Variants in TCP11L2 observed in about 807,000 individuals in gnomAD.
The protein encoded by TCP11L2 is t-complex 11 like 2, also known as T-complex protein 11-like protein 2.
In TCP11L2, 39 loss-of-function variants were observed where a neutral mutation model predicts 50.7. That is an observed-to-expected ratio of 0.77 (90% CI 0.60 to 1.01). The LOEUF (loss-of-function observed/expected upper bound fraction) is 1.01, where lower values mean the gene tolerates loss of function less well. TCP11L2 is among the 50% of genes least tolerant of loss of function. The probability of loss-of-function intolerance (pLI) is 0.00; values close to 1 mark genes in which losing one functional copy is unlikely to be tolerated. For missense variants in TCP11L2, 612 were observed against 614.7 expected, an observed-to-expected ratio of 1.00 and a Z score of 0.05; for synonymous variants, 192 against 219.3, an observed-to-expected ratio of 0.88 and a Z score of 1.10.
At chr12:106,314,585 G>A in intron 3 of TCP11L2, 92 bp downstream of exon 3, 1 of 657,266 alleles carries the variant, frequency 1.5e-6, no homozygotes, top group Non-Finnish European at 2.2e-6. Context: ...GTGAGAGAGA[G>A]AGAGAGAGAG....
intron 6 of TCP11L2, among the ~76,000 whole-genome samples, chr12:106,334,709 A>G (rs58767490): frequency 0.36 from 54,443 of 151,980 alleles, 10,267 homozygotes; most frequent in African/African-American, 0.45. Flanking sequence ...TTTGGGGGCC[A>G]AGGTGGGTGG....
At chr12:106,309,535 T>A (rs1032299747) in intron 1 of TCP11L2, among the ~76,000 whole-genome samples, 1 of 151,918 alleles carries the variant, frequency 6.6e-6, no homozygotes, top group East Asian at 1.9e-4. Context: ...TTCACCCTTA[T>A]TAGATCCCTC....
At chr12:106,314,515 T>C (rs1356545191) in intron 3 of TCP11L2, 22 bp downstream of exon 3, 8 of 1,601,410 alleles carry the variant, frequency 5.0e-6, no homozygotes, top group Non-Finnish European at 6.8e-6. Context: ...GCATTTGTTG[T>C]ATATAAACTG....
intron 3 of TCP11L2, among the ~76,000 whole-genome samples, chr12:106,316,785 A>C (rs1474896108): frequency 6.6e-6 from 1 of 152,160 alleles, no homozygotes; most frequent in Non-Finnish European, 1.5e-5. Context: ...CCAGTTCCTA[A>C]AACAGGGCCC....
upstream of TCP11L2, among the ~76,000 whole-genome samples, chr12:106,301,118 G>A (rs1414472641): frequency 6.6e-6 from 1 of 152,178 alleles, no homozygotes; most frequent in African/African-American, 2.4e-5. Flanking sequence ...TGAAATTGGA[G>A]GCTTCTGTCA....
intron 4 of TCP11L2, among the ~76,000 whole-genome samples, chr12:106,320,674 C>T (rs2035303406): frequency 6.6e-6 from 1 of 152,174 alleles, no homozygotes; most frequent in Admixed American, 6.5e-5. Context: ...ATGGTAGGCT[C>T]CTGCCACTTG....
chr12:106,335,635 T>G lies in TCP11L2; in HGVS notation c.773-4T>G. On this transcript the variant is annotated splice_polypyrimidine_tract_variant and splice_region_variant and intron_variant, in intron 6 of 9. Transcript: ENST00000299045. ...GAACAAATATGTGGCCTTTTCACTCTTAGGTGCTCTTGATCAGACTACAGA... is the reference window on the plus strand; with the variant it reads ...GAACAAATATGTGGCCTTTTCACTCGTAGGTGCTCTTGATCAGACTACAGA... 1 of 1,613,744 alleles carries G rather than the reference T, an allele frequency of 6.2e-7. No homozygotes were observed. The highest frequency in any genetic ancestry group is 8.5e-7 in the Non-Finnish European group (1 of 1,179,836).
intron 8 of TCP11L2, among the ~76,000 whole-genome samples, chr12:106,336,735 T>TA (rs906987384): frequency 3.4e-4 from 51 of 152,214 alleles, no homozygotes; most frequent in African/African-American, 1.2e-3. Context: ...GTATTTTTAG[T>TA]AGAGACCGGG....
intron 1 of TCP11L2, among the ~76,000 whole-genome samples, chr12:106,307,040 CCTCT>C (rs2034658664): frequency 1.3e-5 from 2 of 152,226 alleles, no homozygotes; most frequent in Admixed American, 1.3e-4. Context: ...AAACCAATCT[CCTCT>C]CTATCTGTAG....
intron 6 of TCP11L2, among the ~76,000 whole-genome samples, chr12:106,334,736 A>T (rs1216100428): frequency 1.3e-5 from 2 of 152,078 alleles, no homozygotes; most frequent in Admixed American, 6.6e-5. Context: ...AGGTCAGGAG[A>T]TTGAGACCAT....
chr12:106,311,352 A>C (rs1363018220), intron 2 of TCP11L2, 120 bp downstream of exon 2: 1 of 1,161,194 alleles, frequency 8.6e-7, no homozygotes, highest in Non-Finnish European at 1.2e-6. Context: ...GATGCACCAG[A>C]ATAGCACTGC....
At chr12:106,321,883 A>C (rs541077761) in intron 5 of TCP11L2, among the ~76,000 whole-genome samples, 177 bp downstream of exon 5, 1 of 152,238 alleles carries the variant, frequency 6.6e-6, no homozygotes, top group Non-Finnish European at 1.5e-5. Flanking sequence ...GAGTTTTCAC[A>C]TAGAATGATC....
Position 106,311,123 on chromosome 12 carries a change from C to G in TCP11L2, c.48C>G (p.Ser16Arg). The G allele has an allele frequency of 6.2e-7, 1 of 1,614,186 alleles. No individual in the cohort carries two copies. Among genetic ancestry groups the G allele is most frequent in the Non-Finnish European group, 8.5e-7 (1 of 1,180,042 alleles). Residue 16 changes from serine (S) to arginine (R), a missense_variant, in exon 2 of 10, where the codon AGC becomes AGG. Ser to Arg is a moderately radical substitution (Grantham distance 110, BLOSUM62 -1). Coordinates refer to ENST00000299045, the MANE Select transcript of TCP11L2 (RefSeq NM_152772.3). ...AGTGTGTGGGAGAGGACCAGCCAAG[C>G]GATTCTGATTCTTCCCGGTTTTCCG... ...EKQCVGEDQP[S>R]DSDSSRFSES...
chr12:106,312,431 C>T, intron 2 of TCP11L2: 1 of 1,209,944 alleles, frequency 8.3e-7, no homozygotes, highest in South Asian at 1.5e-5. Flanking sequence ...AGCAGCCACC[C>T]CAGGTTTCTG....
chr12:106,330,015 C>G lies in TCP11L2; in HGVS notation c.773-5624C>G, dbSNP rs1409960864. ...ATTTCAGTCTCTCTCTACTCTGCAC[C>G]TGTGTTCAGGCTGTATTTCTTGGCA... On this transcript the variant is annotated intron_variant, in intron 6 of 9. Coordinates refer to ENST00000299045, the MANE Select transcript of TCP11L2 (RefSeq NM_152772.3). The G allele has an allele frequency of 3.0e-6, 3 of 985,290 alleles. No individual in the cohort carries two copies. The South Asian group carries it at 1.4e-4, about 46-fold the overall frequency. The allele number at this position is 985,290 out of a possible 1,614,324, so 61.0% of individuals were successfully genotyped here.
chr12:106,319,209 C>T (rs147590240), intron 4 of TCP11L2, among the ~76,000 whole-genome samples: 3 of 152,322 alleles, frequency 2.0e-5, no homozygotes, highest in African/African-American at 7.2e-5. Context: ...CCGCGCCCAG[C>T]CTAGGGTCTC....
chr12:106,316,944 G>A (rs1038495977), intron 3 of TCP11L2, among the ~76,000 whole-genome samples: 1 of 152,156 alleles, frequency 6.6e-6, no homozygotes, highest in African/African-American at 2.4e-5. Context: ...AAAGTGGCGA[G>A]TACAGGCCAT....
At chr12:106,318,291 A>T in intron 3 of TCP11L2, 53 bp from the exon 4 acceptor site, 2 of 1,582,068 alleles carry the variant, frequency 1.3e-6, no homozygotes, top group Non-Finnish European at 1.7e-6. Context: ...TTTCTTTTAT[A>T]ATCAGGAAAA....
Position 106,321,546 on chromosome 12 carries a change from T to C in TCP11L2, c.475T>C (p.Leu159=). Residue 159 remains leucine, a synonymous_variant, in exon 5 of 10, where the codon TTG becomes CTG. Transcript: ENST00000299045. ...GCTTCGCAACCAAATCTGTGAAGTT[T>C]TGGACACAGACCTCATTAGGCAGCA... is the stretch of plus-strand genomic sequence containing the variant. The part of the protein sequence containing the change: ...NRLRNQICEV[L]DTDLIRQQAE... 1.9e-6 allele frequency: 3 copies of C among 1,614,228 alleles called. No individual in the cohort carries two copies.
Sources: gnomAD v4.1 joint callset for allele counts (sites outside exome capture counted in the v4.1 genomes callset) on GRCh38, gnomAD v4.1.1 for gene constraint, MANE v1.5 for transcripts, NCBI Gene and HGNC (gene_info 2026-07-23, HGNC 2026-07-21) for gene names.